CNTNAP2: variants seen among roughly 807,000 people sequenced by gnomAD.
CNTNAP2 encodes contactin-associated protein-like 2.
In CNTNAP2, 98 loss-of-function variants were observed where a neutral mutation model predicts 155.2. The ratio of observed to expected loss-of-function variants is 0.63; its 90% CI spans 0.54 to 0.75. The LOEUF (loss-of-function observed/expected upper bound fraction) is 0.75, where lower values mean the gene tolerates loss of function less well. Among genes scored for constraint, CNTNAP2 ranks in the 30% least tolerant of loss-of-function variants. CNTNAP2 has a pLI of 0.00. For missense variants in CNTNAP2, 1,727 were observed against 1,688.1 expected (o/e 1.02, Z -0.40); for synonymous variants, 651 against 631.2 (o/e 1.03, Z -0.47).
At chr7:147,654,547 T>G (rs1795496313) in intron 13 of CNTNAP2, among the ~76,000 whole-genome samples, 1 of 152,232 alleles carries the variant, frequency 6.6e-6, no homozygotes, top group South Asian at 2.1e-4. Flanking sequence ...ACTCCATTTC[T>G]AATGCTAATT....
chr7:146,941,145 A>G (rs530065578), intron 3 of CNTNAP2, among the ~76,000 whole-genome samples: 36 of 152,076 alleles, frequency 2.4e-4, no homozygotes, highest in African/African-American at 7.7e-4. Context: ...TTACTACACT[A>G]TATTGTTCAT....
chr7:147,475,396 A>C (rs1404904487), intron 10 of CNTNAP2, among the ~76,000 whole-genome samples: 1 of 152,144 alleles, frequency 6.6e-6, no homozygotes, highest in African/African-American at 2.4e-5. Context: ...TCTCATTGAA[A>C]TTTAATTTGG....
chr7:146,715,128 C>T (rs1801164573), intron 1 of CNTNAP2, among the ~76,000 whole-genome samples: 1 of 151,956 alleles, frequency 6.6e-6, no homozygotes, highest in Non-Finnish European at 1.5e-5. Flanking sequence ...GTCACGAGTT[C>T]GAGAGTAGCT....
At chr7:146,896,851 A>C (rs554875935) in intron 3 of CNTNAP2, among the ~76,000 whole-genome samples, 1 of 152,188 alleles carries the variant, frequency 6.6e-6, no homozygotes, top group East Asian at 1.9e-4. Flanking sequence ...GGCAAATATA[A>C]AATATTTTTA....
At chr7:148,401,930 A>G (rs973755614) in intron 22 of CNTNAP2, among the ~76,000 whole-genome samples, 2 of 152,222 alleles carry the variant, frequency 1.3e-5, no homozygotes, top group Non-Finnish European at 2.9e-5. Flanking sequence ...ATACCTCTTT[A>G]TCGTTAATCA....
intron 13 of CNTNAP2, among the ~76,000 whole-genome samples, chr7:147,818,495 G>T (rs1365511739): frequency 1.3e-5 from 2 of 152,138 alleles, no homozygotes; most frequent in South Asian, 2.1e-4. Context: ...CCAAGTGATG[G>T]ATGCCCCGTG....
chr7:147,155,938 A>G (rs761760598), intron 8 of CNTNAP2, among the ~76,000 whole-genome samples: 7 of 152,082 alleles, frequency 4.6e-5, no homozygotes, highest in Non-Finnish European at 1.0e-4. Flanking sequence ...TGTGGGAAAA[A>G]TCTGGAAATG....
chr7:147,701,927 G>T (rs1796240423), intron 13 of CNTNAP2, among the ~76,000 whole-genome samples: 1 of 152,018 alleles, frequency 6.6e-6, no homozygotes, highest in South Asian at 2.1e-4. Flanking sequence ...TAAGTTTTGG[G>T]TCCAGCTCTC....
At chr7:146,435,215 A>G (rs893726633) in intron 1 of CNTNAP2, among the ~76,000 whole-genome samples, 8 of 152,194 alleles carry the variant, frequency 5.3e-5, no homozygotes, top group African/African-American at 1.9e-4. Context: ...TTTAAAATTT[A>G]GTGTTATTAA....
At position 147,881,064 on chromosome 7, in the gene CNTNAP2, G is replaced by C. The variant is rs140972181; in HGVS notation, c.2099-22501G>C. On this transcript the variant is annotated intron_variant, in intron 13 of 23. Transcript: ENST00000361727. The stretch of plus-strand genomic sequence containing the variant: ...AAAACTGCTGTAAGAGACAGGAGAA[G>C]ATGGTATTCCTACAGACAGAATGGT... 5.0e-3 allele frequency among the ~76,000 whole-genome samples: 766 copies of C among 152,300 alleles called. 1 individual carries two copies. The highest frequency in any genetic ancestry group is 0.017 in the Middle Eastern group (5 of 294).
At chr7:148,113,897 C>G (rs954894869) in intron 15 of CNTNAP2, among the ~76,000 whole-genome samples, 3 of 152,206 alleles carry the variant, frequency 2.0e-5, no homozygotes, top group South Asian at 2.1e-4. Context: ...GTTGACTGAC[C>G]CTTCCAGTCT....
At chr7:147,569,928 A>G (rs947985808) in intron 12 of CNTNAP2, among the ~76,000 whole-genome samples, 1 of 152,122 alleles carries the variant, frequency 6.6e-6, no homozygotes, top group African/African-American at 2.4e-5. Flanking sequence ...TCAAGTGTTG[A>G]TAGATTCATT....
intron 13 of CNTNAP2, chr7:147,671,632 A>T (rs751450516): frequency 6.6e-6 from 1 of 152,214 alleles, no homozygotes; most frequent in Non-Finnish European, 1.5e-5. Flanking sequence ...GGAACAGCTA[A>T]TAGCACATAG....
chr7:147,552,173 TTTTG>T (rs1426605352), intron 11 of CNTNAP2, among the ~76,000 whole-genome samples: 5 of 152,124 alleles, frequency 3.3e-5, no homozygotes, highest in African/African-American at 1.2e-4. Flanking sequence ...GGGCGGTGTA[TTTTG>T]TTTGTTTTTT....
intron 10 of CNTNAP2, among the ~76,000 whole-genome samples, chr7:147,455,265 A>G (rs191650902): frequency 6.4e-4 from 98 of 152,286 alleles, no homozygotes; most frequent in African/African-American, 2.1e-3. Flanking sequence ...GGAATTAGTG[A>G]TATACAACAG....
At chr7:147,891,733 A>G (rs1308541926) in intron 13 of CNTNAP2, among the ~76,000 whole-genome samples, 2 of 152,232 alleles carry the variant, frequency 1.3e-5, no homozygotes, top group Non-Finnish European at 2.9e-5. Flanking sequence ...GGATATAAGA[A>G]TAATCTTATA....
At chr7:146,759,109 T>C (rs1802041539) in intron 1 of CNTNAP2, among the ~76,000 whole-genome samples, 1 of 152,008 alleles carries the variant, frequency 6.6e-6, no homozygotes, top group Non-Finnish European at 1.5e-5. Context: ...ATAAAATCTG[T>C]CTGAAAACAA....
intron 15 of CNTNAP2, among the ~76,000 whole-genome samples, chr7:147,980,752 G>A (rs7792778): frequency 0.42 from 57,967 of 138,166 alleles, 12,746 homozygotes; most frequent in Middle Eastern, 0.65. Context: ...GTGAAACCCC[G>A]TCTCTACTAA....
At chr7:148,106,344 A>G (rs1204714827) in intron 15 of CNTNAP2, among the ~76,000 whole-genome samples, 1 of 151,698 alleles carries the variant, frequency 6.6e-6, no homozygotes, top group Admixed American at 6.6e-5. Flanking sequence ...ACATATGATT[A>G]GTACTTGAAA....
Sources: gnomAD v4.1 joint callset for allele counts (sites outside exome capture counted in the v4.1 genomes callset) on GRCh38, gnomAD v4.1.1 for gene constraint, MANE v1.5 for transcripts, NCBI Gene and HGNC (gene_info 2026-07-23, HGNC 2026-07-21) for gene names.